Variants in FILIP1 observed in about 807,000 individuals in gnomAD.
The protein encoded by FILIP1 is filamin-A-interacting protein 1.
Under a neutral mutation model 102.1 loss-of-function variants are expected in FILIP1, and 61 were observed. The ratio of observed to expected loss-of-function variants is 0.60; its 90% CI spans 0.49 to 0.74. FILIP1 has a LOEUF of 0.74. FILIP1 is among the 30% of genes least tolerant of loss of function. The pLI, the probability that FILIP1 is intolerant of heterozygous loss-of-function variation, is 0.00. For missense variants in FILIP1, 1,314 were observed against 1,441.2 expected (o/e 0.91, Z 1.43); for synonymous variants, 491 against 526.9 (o/e 0.93, Z 0.93).
At chr6:75,366,848 T>C (rs1369258234) in intron 2 of FILIP1, among the ~76,000 whole-genome samples, 1 of 152,220 alleles carries the variant, frequency 6.6e-6, no homozygotes, top group East Asian at 1.9e-4. Context: ...AAAAGGAATT[T>C]CAAAATCAGA....
chr6:75,474,808 A>G (rs1779427418), intron 1 of FILIP1, among the ~76,000 whole-genome samples: 1 of 152,158 alleles, frequency 6.6e-6, no homozygotes, highest in South Asian at 2.1e-4. Context: ...TGACTGGATC[A>G]TGGGGGTGGT....
At chr6:75,483,266 G>A (rs1779694653) in intron 1 of FILIP1, among the ~76,000 whole-genome samples, 1 of 152,212 alleles carries the variant, frequency 6.6e-6, no homozygotes, top group Admixed American at 6.5e-5. Flanking sequence ...TCACAGGACA[G>A]ATCAGCTTGT....
intron 1 of FILIP1, among the ~76,000 whole-genome samples, chr6:75,469,164 A>T (rs923263512): frequency 6.6e-6 from 1 of 152,066 alleles, no homozygotes; most frequent in African/African-American, 2.4e-5. Context: ...TAAAGTAACA[A>T]TGTAGAATAA....
chr6:75,303,491 A>G (rs1156345958), downstream of FILIP1, among the ~76,000 whole-genome samples: 1 of 152,184 alleles, frequency 6.6e-6, no homozygotes, highest in Non-Finnish European at 1.5e-5. Context: ...TTGGTCATTG[A>G]GGGAAAAGAG....
Position 75,308,877 on chromosome 6 carries a change from G to A in FILIP1, c.3456C>T (p.Ser1152=). 3 of 1,614,066 alleles carry A rather than the reference G, an allele frequency of 1.9e-6. No homozygotes were observed. Among genetic ancestry groups the A allele is most frequent in the Non-Finnish European group, 2.5e-6 (3 of 1,179,994 alleles). The change falls in exon 6 of 6, where the codon TCC becomes TCT. Residue 1152 remains serine, a synonymous_variant. Transcript: ENST00000237172. ...TQSVSGQDGS[S]QRPTPTRIPM... is the part of the protein sequence containing the mutation. ...GAATGCGGGTGGGTGTAGGCCGCTG[G>A]GATGACCCGTCTTGTCCTGACTGTA... is the stretch of plus-strand genomic sequence containing the variant.
At chr6:75,315,582 A>G (rs1352051241) in intron 4 of FILIP1, among the ~76,000 whole-genome samples, 1 of 152,234 alleles carries the variant, frequency 6.6e-6, no homozygotes, top group East Asian at 1.9e-4. Flanking sequence ...TGCAATAATA[A>G]TGACTATTTA....
At chr6:75,406,695 T>C (rs1212130345) in intron 2 of FILIP1, among the ~76,000 whole-genome samples, 2 of 149,972 alleles carry the variant, frequency 1.3e-5, no homozygotes, top group African/African-American at 4.9e-5. Flanking sequence ...AGTCTTGTTC[T>C]GTCACCCAGG....
chr6:75,435,627 T>A, intron 1 of FILIP1, among the ~76,000 whole-genome samples: 1 of 152,200 alleles, frequency 6.6e-6, no homozygotes, highest in Non-Finnish European at 1.5e-5. Flanking sequence ...TATTCAGCTA[T>A]TTCTAGAATT....
intron 1 of FILIP1, among the ~76,000 whole-genome samples, chr6:75,479,550 TTG>T (rs1779590120): frequency 6.6e-6 from 1 of 152,200 alleles, no homozygotes; most frequent in Non-Finnish European, 1.5e-5. Context: ...AATTTTTCTA[TTG>T]TGTCTCTTTT....
intron 2 of FILIP1, among the ~76,000 whole-genome samples, chr6:75,383,877 C>G (rs1001553964): frequency 6.6e-6 from 1 of 152,228 alleles, no homozygotes; most frequent in African/African-American, 2.4e-5. Flanking sequence ...ATCAGGCAAC[C>G]TAACTTCAGA....
At chr6:75,485,802 G>A (rs1424853735) in intron 1 of FILIP1, among the ~76,000 whole-genome samples, 1 of 152,012 alleles carries the variant, frequency 6.6e-6, no homozygotes, top group East Asian at 1.9e-4. Context: ...AAAGCGTCAG[G>A]CAATTTTTCT....
intron 3 of FILIP1, among the ~76,000 whole-genome samples, chr6:75,355,327 G>T (rs1168973327): frequency 2.7e-5 from 4 of 148,110 alleles, no homozygotes; most frequent in Non-Finnish European, 3.0e-5. Context: ...CAAAACAAAA[G>T]AATAAAAAAT....
chr6:75,485,934 C>A (rs1779772732), intron 1 of FILIP1, among the ~76,000 whole-genome samples: 2 of 151,358 alleles, frequency 1.3e-5, no homozygotes. Flanking sequence ...ATGTGGAGCA[C>A]CTTCTACCGC....
intron 4 of FILIP1, chr6:75,320,094 A>T (rs1181266552): frequency 4.9e-6 from 1 of 205,858 alleles, no homozygotes; most frequent in Non-Finnish European, 9.9e-6. Flanking sequence ...CCAACTTATA[A>T]TTTTTTTAAT....
intron 6 of FILIP1, among the ~76,000 whole-genome samples, chr6:75,300,911 C>T (rs1772819875): frequency 6.6e-6 from 1 of 152,156 alleles, no homozygotes; most frequent in Non-Finnish European, 1.5e-5. Flanking sequence ...CTGATAAATT[C>T]TTTTTTGGCA....
chr6:75,490,468 G>A (rs531929181), intron 1 of FILIP1, among the ~76,000 whole-genome samples: 15 of 152,112 alleles, frequency 9.9e-5, no homozygotes, highest in South Asian at 4.2e-4. Flanking sequence ...GGATCATAAC[G>A]TATTTAAATG....
intron 1 of FILIP1, among the ~76,000 whole-genome samples, chr6:75,457,644 C>A (rs9341521): frequency 0.18 from 27,044 of 149,910 alleles, 3,017 homozygotes; most frequent in East Asian, 0.28. Context: ...CTCTCTCTCT[C>A]TCTCGTTTCT....
chr6:75,441,052 G>A lies in FILIP1; in HGVS notation c.-6-26074C>T, dbSNP rs577065603. Among the ~76,000 whole-genome samples the A allele has an allele frequency of 4.0e-5, 6 of 151,254 alleles. No homozygotes were observed. The East Asian group carries it at 1.2e-3, about 29-fold the overall frequency. ...CAGAGGGGGATTTGGCAGGGTCATA[G>A]GACAATAGTGGAGGGAAGGTCAGCA... is the stretch of plus-strand genomic sequence containing the variant. On this transcript the variant is annotated intron_variant, in intron 1 of 5. Transcript: ENST00000237172.
At chr6:75,388,347 T>C (rs1348919644) in intron 2 of FILIP1, among the ~76,000 whole-genome samples, 2 of 152,224 alleles carry the variant, frequency 1.3e-5, no homozygotes, top group African/African-American at 4.8e-5. Flanking sequence ...TTGCTTAGGA[T>C]TTTCTTGGCT....
Sources: allele counts gnomAD v4.1 joint callset (sites outside exome capture counted in the v4.1 genomes callset), GRCh38; gene constraint gnomAD v4.1.1; transcripts MANE v1.5; gene names NCBI Gene and HGNC (gene_info 2026-07-23, HGNC 2026-07-21).